DIDO1: variants seen among roughly 807,000 people sequenced by gnomAD.
DIDO1 encodes the protein death-inducer obliterator 1.
DIDO1 carries 16 observed loss-of-function variants against 99.4 expected under a neutral mutation model. The observed-to-expected ratio is 0.16, with a 90% confidence interval of 0.11 to 0.24. The LOEUF (loss-of-function observed/expected upper bound fraction) is 0.24, where lower values mean the gene tolerates loss of function less well. Among genes scored for constraint, DIDO1 ranks in the 10% least tolerant of loss-of-function variants. The probability of loss-of-function intolerance (pLI) is 1.00; values close to 1 mark genes in which losing one functional copy is unlikely to be tolerated. For missense variants in DIDO1, 2,996 were observed against 3,014.0 expected (o/e 0.99, Z 0.14); for synonymous variants, 1,366 against 1,239.1 (o/e 1.10, Z -2.15).
chr20:62,900,254 G>A (rs1018877999), intron 6 of DIDO1, among the ~76,000 whole-genome samples: 9 of 152,246 alleles, frequency 5.9e-5, no homozygotes, highest in Non-Finnish European at 1.2e-4. Flanking sequence ...CATTCTGGGG[G>A]CCTGCCCAGG....
At chr20:62,887,865 C>A in intron 15 of DIDO1, 1 of 985,454 alleles carries the variant, frequency 1.0e-6, no homozygotes, top group Non-Finnish European at 1.2e-6. Context: ...ACCAGGCCTC[C>A]CAGCTGCCCC....
At chr20:62,904,807 A>AAAAAAT (rs1568859998) in intron 6 of DIDO1, among the ~76,000 whole-genome samples, 9 of 141,706 alleles carry the variant, frequency 6.4e-5, no homozygotes, top group African/African-American at 2.4e-4. Context: ...AAAAAAAAAA[A>AAAAAAT]GTGTCTTTTT....
At chr20:62,920,188 G>A (rs2065110054) in intron 1 of DIDO1, among the ~76,000 whole-genome samples, 1 of 152,158 alleles carries the variant, frequency 6.6e-6, no homozygotes, top group Non-Finnish European at 1.5e-5. Flanking sequence ...TGAGCTCCCC[G>A]GGTACCATGT....
chr20:62,937,072 T>G (rs1306680349), intron 1 of DIDO1, among the ~76,000 whole-genome samples: 1 of 152,174 alleles, frequency 6.6e-6, no homozygotes, highest in African/African-American at 2.4e-5. Flanking sequence ...TGTCGCTGAG[T>G]AGACCGACCG....
At chr20:62,920,230 C>G (rs929255782) in intron 1 of DIDO1, among the ~76,000 whole-genome samples, 1 of 152,168 alleles carries the variant, frequency 6.6e-6, no homozygotes, top group African/African-American at 2.4e-5. Context: ...GTCATCCCAG[C>G]AGGGTACTGT....
In DIDO1 at chr20:62,880,677, G is replaced by C. The variant is rs368162769; in HGVS notation, c.5279C>G (p.Ala1760Gly). 2.2e-5 allele frequency: 35 copies of C among 1,612,660 alleles called. No individual in the cohort carries two copies. The African/African-American group carries it at 4.1e-4, about 19-fold the overall frequency. ...GCCGTGAAGCCCTGACATCCCCAAA[G>C]CATGAGGTCCAGGTTCCCGCTGACC... ...FQGQREPGPH[A>G]LGMSGLHGPN... The change falls in exon 16 of 16, where the codon GCT (alanine) becomes GGT (glycine). Residue 1760 changes from alanine (A) to glycine (G), a missense_variant. By Grantham distance (60) the Ala-to-Gly change is moderately conservative. Transcript: ENST00000395343.
intron 2 of DIDO1, among the ~76,000 whole-genome samples, chr20:62,912,392 G>C (rs1181171434): frequency 1.3e-5 from 2 of 151,590 alleles, no homozygotes; most frequent in African/African-American, 4.8e-5. Context: ...GGGACACTTA[G>C]AAAACATGGT....
intron 3 of DIDO1, 58 bp from the exon 4 acceptor site, chr20:62,910,078 C>T: frequency 3.3e-6 from 5 of 1,529,976 alleles, no homozygotes; most frequent in Non-Finnish European, 4.4e-6. Flanking sequence ...CACTTTTCAA[C>T]ACATTAATAA....
chr20:62,889,767 G>C (rs1213253751), intron 15 of DIDO1: 1 of 985,330 alleles, frequency 1.0e-6, no homozygotes, highest in East Asian at 1.1e-4. Flanking sequence ...AGTAGGATTT[G>C]AGGGGACACA....
rs760278227 is a variant in DIDO1 at position 62,911,270 on chromosome 20, C to T, written c.343G>A (p.Val115Met). ...TDAETASEGSVESASETRSGP... is the reference protein window; with the variant it reads ...TDAETASEGSMESASETRSGP... ...CTTCTGGTCTCAGAAGCGCTTTCCA[C>T]GCTGCCCTCGGAGGCTGTCTCGGCG... Residue 115 changes from valine to methionine, a missense_variant, in exon 3 of 16, where the codon GTG becomes ATG. Physicochemically the swap from Val to Met is conservative, Grantham distance 21. Transcript: ENST00000395343. This position sits in a 1 kb window ranked among gnomAD's most constrained non-coding sequence, Gnocchi z 7.0. 4.6e-5 allele frequency: 74 copies of T among 1,612,684 alleles called. No individual in the cohort carries two copies. The highest frequency in any genetic ancestry group is 1.1e-4 in the African/African-American group (8 of 74,942).
At chr20:62,892,186 A>G (rs1378877636) in intron 13 of DIDO1, 110 bp from the exon 14 acceptor site, 1 of 891,416 alleles carries the variant, frequency 1.1e-6, no homozygotes, top group Non-Finnish European at 1.7e-6. Context: ...GACTACAGCT[A>G]TTCCAAGGAA....
Position 62,882,048 on chromosome 20 carries a change from G to A in DIDO1, c.3908C>T (p.Thr1303Ile). The part of the protein sequence containing the change: ...AAAASTAASS[T>I]ASSASKTASP... ...TGCTGTTTTGGAAGCAGACGAAGCG[G>A]TGGAGGAAGCTGCCGTGGAGGCTGC... The change falls in exon 16 of 16, where the codon ACC (threonine) becomes ATC (isoleucine). Residue 1303 changes from threonine (T) to isoleucine (I), a missense_variant. By Grantham distance (89) the Thr-to-Ile change is moderately conservative. This residue lies in a region of DIDO1 where 1,562 missense variants were observed against 1,412.6 expected (regional missense o/e 1.11). Coordinates refer to ENST00000395343, the MANE Select transcript of DIDO1 (RefSeq NM_001193369.2). The A allele has an allele frequency of 6.2e-7, 1 of 1,613,626 alleles. No homozygotes were observed. The highest frequency in any genetic ancestry group is 8.5e-7 in the Non-Finnish European group (1 of 1,180,036).
chr20:62,934,536 C>CT (rs2065363093), intron 1 of DIDO1, among the ~76,000 whole-genome samples: 2 of 152,184 alleles, frequency 1.3e-5, no homozygotes, highest in Admixed American at 1.3e-4. Flanking sequence ...CTTGACCCCC[C>CT]TCCCTGCTCC....
chr20:62,903,218 TC>T (rs1474243090), intron 6 of DIDO1, among the ~76,000 whole-genome samples: 4 of 152,174 alleles, frequency 2.6e-5, no homozygotes, highest in Admixed American at 1.3e-4. Flanking sequence ...CCTACTGATA[TC>T]TTAGCAGGGG....
intron 8 of DIDO1, 50 bp from the exon 9 acceptor site, chr20:62,895,215 A>C: frequency 6.6e-7 from 1 of 1,515,644 alleles, no homozygotes; most frequent in Non-Finnish European, 9.1e-7. Context: ...TATATCTGTC[A>C]ATACAGAGAG....
intron 15 of DIDO1, chr20:62,889,753 C>T (rs533762813): frequency 5.1e-6 from 5 of 985,444 alleles, no homozygotes; most frequent in Non-Finnish European, 6.0e-6. Flanking sequence ...ATCTCTTTAT[C>T]CCAAGTAGGA....
chr20:62,915,296 C>A (rs2065018523), intron 1 of DIDO1, among the ~76,000 whole-genome samples: 1 of 152,088 alleles, frequency 6.6e-6, no homozygotes, highest in Non-Finnish European at 1.5e-5. Flanking sequence ...ATGTAGACAC[C>A]CCGTCTCTAC....
At position 62,925,867 on chromosome 20, in the gene DIDO1, T is replaced by A. The variant is rs1184273779; in HGVS notation, c.-200+572A>T. Among the ~76,000 whole-genome samples the A allele has an allele frequency of 4.0e-5, 6 of 151,726 alleles. 1 individual carries two copies. The highest frequency in any genetic ancestry group is 8.8e-5 in the Non-Finnish European group (6 of 67,948). ...CCAGCGCGGGGAGGTAAGGACACAC[T>A]CTTCAGAAAAGCGAATCCGGGCTCT... On this transcript the variant is annotated intron_variant, in intron 1 of 15. Transcript: ENST00000395343.
intron 15 of DIDO1, among the ~76,000 whole-genome samples, chr20:62,885,063 T>C (rs2064276106): frequency 6.6e-6 from 1 of 152,250 alleles, no homozygotes; most frequent in African/African-American, 2.4e-5. Context: ...ACTTTTCGGG[T>C]ATGTTCGGTT....
Sources: gnomAD v4.1 joint callset for allele counts (sites outside exome capture counted in the v4.1 genomes callset) on GRCh38, gnomAD v4.1.1 for gene constraint, gnomAD v4.1.1 regional missense constraint, Gnocchi (gnomAD v3.1) non-coding constraint, MANE v1.5 for transcripts, NCBI Gene and HGNC (gene_info 2026-07-23, HGNC 2026-07-21) for gene names.